ALCAM: variants seen among roughly 807,000 people sequenced by gnomAD.
ALCAM encodes the protein activated leukocyte cell adhesion molecule.
A neutral mutation model predicts 70.9 loss-of-function variants in ALCAM; 30 were observed. That is an observed-to-expected ratio of 0.42 (90% CI 0.32 to 0.57). The LOEUF is 0.57. ALCAM is among the 20% of genes least tolerant of loss of function. The probability of loss-of-function intolerance (pLI) is 0.11; values close to 1 mark genes in which losing one functional copy is unlikely to be tolerated. For missense variants in ALCAM, 591 were observed against 695.1 expected (o/e 0.85, Z 1.68); for synonymous variants, 249 against 242.5 (o/e 1.03, Z -0.25).
At chr3:105,507,608 T>G (rs1368592206) in intron 1 of ALCAM, among the ~76,000 whole-genome samples, 1 of 152,174 alleles carries the variant, frequency 6.6e-6, no homozygotes, top group Non-Finnish European at 1.5e-5. Context: ...CTGGCTCATT[T>G]CTTTTTATTG....
chr3:105,447,318 T>G (rs976981268), intron 1 of ALCAM, among the ~76,000 whole-genome samples: 1 of 152,152 alleles, frequency 6.6e-6, no homozygotes, highest in Non-Finnish European at 1.5e-5. Flanking sequence ...GACGACAAGA[T>G]GAAAAAGAGT....
intron 1 of ALCAM, among the ~76,000 whole-genome samples, chr3:105,377,669 A>G (rs1158351308): frequency 6.6e-5 from 10 of 152,100 alleles, no homozygotes; most frequent in Non-Finnish European, 1.3e-4. Flanking sequence ...GAAATGGGAA[A>G]AGACAGGTAT....
At chr3:105,524,710 G>A in intron 3 of ALCAM, 2 of 1,321,996 alleles carry the variant, frequency 1.5e-6, no homozygotes, top group Non-Finnish European at 1.9e-6. Context: ...GAGATTTGCA[G>A]TGAGGAACTA....
chr3:105,464,867 A>G (rs1368925810), intron 1 of ALCAM, among the ~76,000 whole-genome samples: 3 of 151,492 alleles, frequency 2.0e-5, no homozygotes, highest in Admixed American at 6.6e-5. Flanking sequence ...ATTTTGACAG[A>G]TGCATTCAAC....
intron 1 of ALCAM, among the ~76,000 whole-genome samples, chr3:105,427,240 C>T (rs989369386): frequency 2.6e-5 from 4 of 151,882 alleles, no homozygotes; most frequent in African/African-American, 9.7e-5. Context: ...AAGGTAATCT[C>T]TCTCACCCTT....
At chr3:105,493,064 T>C (rs1194848215) in intron 1 of ALCAM, among the ~76,000 whole-genome samples, 1 of 152,232 alleles carries the variant, frequency 6.6e-6, no homozygotes, top group Non-Finnish European at 1.5e-5. Context: ...AAATATTAGG[T>C]GTACATTTTA....
intron 1 of ALCAM, among the ~76,000 whole-genome samples, chr3:105,464,142 C>G (rs1257840570): frequency 6.6e-6 from 1 of 150,930 alleles, no homozygotes; most frequent in African/African-American, 2.4e-5. Flanking sequence ...TTTGTCTTGT[C>G]CGACTATATT....
chr3:105,413,485 G>A (rs551878611), intron 1 of ALCAM, among the ~76,000 whole-genome samples: 21 of 152,080 alleles, frequency 1.4e-4, no homozygotes, highest in African/African-American at 5.1e-4. Flanking sequence ...TGTGCTGTAG[G>A]CTAGAATATG....
At chr3:105,425,474 C>T (rs772680086) in intron 1 of ALCAM, among the ~76,000 whole-genome samples, 13 of 151,672 alleles carry the variant, frequency 8.6e-5, no homozygotes, top group Non-Finnish European at 1.0e-4. Flanking sequence ...CCCGGAGAAA[C>T]GATTTTCATT....
At chr3:105,503,807 G>C (rs1465323128) in intron 1 of ALCAM, among the ~76,000 whole-genome samples, 2 of 152,092 alleles carry the variant, frequency 1.3e-5, no homozygotes, top group East Asian at 3.9e-4. Context: ...GGCTGAACAT[G>C]ATTATACCCT....
chr3:105,438,844 C>T (rs1457362523), intron 1 of ALCAM, among the ~76,000 whole-genome samples: 1 of 151,766 alleles, frequency 6.6e-6, no homozygotes, highest in Non-Finnish European at 1.5e-5. Flanking sequence ...TGCACTCTAC[C>T]CTGGGCCACA....
At chr3:105,391,976 A>G (rs910709843) in intron 1 of ALCAM, among the ~76,000 whole-genome samples, 2 of 151,936 alleles carry the variant, frequency 1.3e-5, no homozygotes, top group African/African-American at 4.8e-5. Flanking sequence ...TCAGTATGCC[A>G]GTGTTTTATT....
At chr3:105,529,461 C>T (rs76403817) in intron 3 of ALCAM, among the ~76,000 whole-genome samples, 1,530 of 152,238 alleles carry the variant, frequency 0.01, 17 homozygotes, top group Middle Eastern at 0.027. Flanking sequence ...CCAACTAATA[C>T]TCATCAATTG....
intron 1 of ALCAM, among the ~76,000 whole-genome samples, chr3:105,462,704 A>C: frequency 6.6e-6 from 1 of 151,432 alleles, no homozygotes; most frequent in Non-Finnish European, 1.5e-5. Context: ...ATCTAAGTTG[A>C]TGTTTCAAAC....
In ALCAM at chr3:105,524,542, G is replaced by A. The variant is rs371134471; in HGVS notation, c.394+34G>A. ...TCTGCAGCAGTGTCACTGCTAAGTG[G>A]GATTGATGGCCAGTACCAGACCATG... On this transcript the variant is annotated intron_variant, in intron 3 of 15. Transcript: ENST00000306107. The A allele has an allele frequency of 3.9e-5, 63 of 1,612,430 alleles. No individual in the cohort carries two copies. In the African/African-American group the frequency reaches 7.7e-4, roughly 20 times the overall value.
chr3:105,370,995 A>G (rs887272429), intron 1 of ALCAM, among the ~76,000 whole-genome samples: 4 of 152,212 alleles, frequency 2.6e-5, no homozygotes, highest in African/African-American at 9.6e-5. Flanking sequence ...TGTAAATGCA[A>G]GACAGAAGGA....
chr3:105,564,334 A>T (rs956940906), intron 14 of ALCAM, among the ~76,000 whole-genome samples: 1 of 152,204 alleles, frequency 6.6e-6, no homozygotes, highest in Non-Finnish European at 1.5e-5. Context: ...TCTTCTAAGT[A>T]CTAAGCCTCA....
intron 1 of ALCAM, among the ~76,000 whole-genome samples, chr3:105,472,454 C>T (rs1340822937): frequency 6.6e-6 from 1 of 151,428 alleles, no homozygotes; most frequent in South Asian, 2.1e-4. Context: ...CCTTGATAAT[C>T]CTAAGGTTAT....
At chr3:105,565,042 A>C (rs1940712374) in intron 14 of ALCAM, among the ~76,000 whole-genome samples, 1 of 152,128 alleles carries the variant, frequency 6.6e-6, no homozygotes. Context: ...AAGAAAAAAA[A>C]ACAGAGGCTA....
Sources: gnomAD v4.1 joint callset for allele counts (sites outside exome capture counted in the v4.1 genomes callset) on GRCh38, gnomAD v4.1.1 for gene constraint, MANE v1.5 for transcripts, NCBI Gene and HGNC (gene_info 2026-07-23, HGNC 2026-07-21) for gene names.